Variants in CFAP58 observed in about 807,000 individuals in gnomAD.
CFAP58 encodes cilia- and flagella-associated protein 58.
In CFAP58, 88 loss-of-function variants were observed where a neutral mutation model predicts 119.5. That is an observed-to-expected ratio of 0.74 (90% confidence interval 0.62 to 0.88). The LOEUF (loss-of-function observed/expected upper bound fraction) is 0.88. Among genes scored for constraint, CFAP58 ranks in the 40% least tolerant of loss-of-function variants. The pLI is 0.00. For synonymous variants in CFAP58, 365 were observed against 366.3 expected (o/e 1.00, Z 0.04); for missense variants, 990 against 1,021.2 (o/e 0.97, Z 0.42).
chr10:104,392,459 G>C, intron 10 of CFAP58, 65 bp downstream of exon 10: 1 of 1,195,078 alleles, frequency 8.4e-7, no homozygotes, highest in Non-Finnish European at 1.1e-6. Context: ...AACAGTTTCT[G>C]TTATCCTAAT....
At chr10:104,353,772 C>A (rs887424193), upstream of CFAP58, 2 of 1,161,848 alleles carry the variant, frequency 1.7e-6, no homozygotes, top group East Asian at 4.9e-5. Flanking sequence ...ACGCGCCGAG[C>A]GCGGGTTTCC....
In CFAP58 at chr10:104,444,726, C is replaced by T. The variant is rs141011827; in HGVS notation, c.2257-2972C>T. Among the ~76,000 whole-genome samples, 8 of 152,348 alleles carry T rather than the reference C, an allele frequency of 5.3e-5. No homozygotes were observed. In the East Asian group the frequency reaches 1.2e-3, roughly 22 times the overall value. ...CACTGTAAGCATTGACCAAAATTCA[C>T]GCACAGTGAAGCCGGGCAATACACA... On this transcript the variant is annotated intron_variant, in intron 15 of 17. Transcript: ENST00000369704.
chr10:104,363,428 T>C (rs1267485254), intron 3 of CFAP58, among the ~76,000 whole-genome samples: 2 of 152,168 alleles, frequency 1.3e-5, no homozygotes, highest in African/African-American at 4.8e-5. Flanking sequence ...CACTGACAGA[T>C]AGTTCTAAGT....
intron 7 of CFAP58, among the ~76,000 whole-genome samples, chr10:104,372,060 A>G (rs2014830860): frequency 6.6e-6 from 1 of 152,218 alleles, no homozygotes; most frequent in African/African-American, 2.4e-5. Flanking sequence ...TCTGTCTTAA[A>G]AAAAAATTAA....
intron 15 of CFAP58, among the ~76,000 whole-genome samples, chr10:104,427,122 T>C (rs1294075757): frequency 2.0e-5 from 3 of 152,218 alleles, no homozygotes; most frequent in Non-Finnish European, 4.4e-5. Flanking sequence ...GGCTTTGTTA[T>C]TGTAGACAGG....
At chr10:104,417,155 A>G (rs907582595) in intron 15 of CFAP58, among the ~76,000 whole-genome samples, 2 of 152,188 alleles carry the variant, frequency 1.3e-5, no homozygotes, top group African/African-American at 4.8e-5. Context: ...TTCGTGGTAG[A>G]TCTTCATGCT....
chr10:104,400,593 A>T, intron 12 of CFAP58, 87 bp from the exon 13 acceptor site: 1 of 1,097,114 alleles, frequency 9.1e-7, no homozygotes, highest in Non-Finnish European at 1.4e-6. Context: ...GGCGTTCAAT[A>T]GATACTCATT....
intron 10 of CFAP58, 143 bp from the exon 11 acceptor site, chr10:104,393,186 C>A: frequency 1.4e-6 from 1 of 736,746 alleles, no homozygotes; most frequent in Non-Finnish European, 2.2e-6. Flanking sequence ...GCACTAGAGA[C>A]AAAGGAATAG....
chr10:104,385,325 C>G (rs2011901134), intron 9 of CFAP58, among the ~76,000 whole-genome samples: 1 of 151,872 alleles, frequency 6.6e-6, no homozygotes, highest in Non-Finnish European at 1.5e-5. Context: ...ACAAGGTGAC[C>G]CCAGTAGAAT....
intron 14 of CFAP58, among the ~76,000 whole-genome samples, chr10:104,404,080 T>C (rs1383353919): frequency 6.6e-6 from 1 of 152,250 alleles, no homozygotes; most frequent in African/African-American, 2.4e-5. Flanking sequence ...CAGTGAAAGC[T>C]GTGAACCTGC....
chr10:104,421,298 C>CT (rs2012654381), intron 15 of CFAP58, among the ~76,000 whole-genome samples: 1 of 152,150 alleles, frequency 6.6e-6, no homozygotes. Flanking sequence ...TCTAAGACTC[C>CT]TTTTCCCTTC....
At chr10:104,360,541 G>A (rs1041471368) in intron 2 of CFAP58, among the ~76,000 whole-genome samples, 2 of 152,080 alleles carry the variant, frequency 1.3e-5, no homozygotes, top group Non-Finnish European at 2.9e-5. Flanking sequence ...AGGTAAACGT[G>A]TGTCATGGGG....
intron 15 of CFAP58, among the ~76,000 whole-genome samples, chr10:104,417,845 A>G (rs1343431540): frequency 1.3e-5 from 2 of 152,222 alleles, no homozygotes; most frequent in African/African-American, 4.8e-5. Context: ...GAGTTCACAG[A>G]GGAAGGAAAA....
chr10:104,405,764 CA>C (rs1260405207), intron 14 of CFAP58, among the ~76,000 whole-genome samples: 2 of 152,164 alleles, frequency 1.3e-5, no homozygotes, highest in African/African-American at 2.4e-5. Context: ...TGACAATTAC[CA>C]AAGGAGAATC....
At chr10:104,400,519 T>C (rs1286045244) in intron 12 of CFAP58, among the ~76,000 whole-genome samples, 161 bp from the exon 13 acceptor site, 1 of 152,022 alleles carries the variant, frequency 6.6e-6, no homozygotes, top group Non-Finnish European at 1.5e-5. Flanking sequence ...ATGGGAGGGG[T>C]CCAGTGTTGA....
At chr10:104,422,364 T>C (rs1289851894) in intron 15 of CFAP58, among the ~76,000 whole-genome samples, 1 of 152,206 alleles carries the variant, frequency 6.6e-6, no homozygotes, top group Non-Finnish European at 1.5e-5. Context: ...GACCCTTTAG[T>C]TACTGTGCCC....
At chr10:104,368,604 A>T (rs558650233) in intron 6 of CFAP58, 44 bp downstream of exon 6, 2 of 1,608,170 alleles carry the variant, frequency 1.2e-6, no homozygotes, top group East Asian at 2.2e-5. Context: ...CTTTCTTCCT[A>T]ACACAGGTTT....
intron 15 of CFAP58, among the ~76,000 whole-genome samples, chr10:104,416,275 T>C (rs1159329803): frequency 6.6e-6 from 1 of 152,186 alleles, no homozygotes; most frequent in Non-Finnish European, 1.5e-5. Context: ...GTGAGAAAAC[T>C]GCCTTGGTGG....
chr10:104,432,285 T>C (rs2012861339), intron 15 of CFAP58, among the ~76,000 whole-genome samples: 1 of 152,072 alleles, frequency 6.6e-6, no homozygotes, highest in Non-Finnish European at 1.5e-5. Context: ...ACAAATCAAT[T>C]TGAAAAAGAT....
Sources: allele counts gnomAD v4.1 joint callset (sites outside exome capture counted in the v4.1 genomes callset), GRCh38; gene constraint gnomAD v4.1.1; transcripts MANE v1.5; gene names NCBI Gene and HGNC (gene_info 2026-07-23, HGNC 2026-07-21).